The following FABP7 variants were observed in gnomAD, a reference collection of about 807,000 sequenced individuals.
The protein encoded by FABP7 is fatty acid binding protein 7.
In FABP7, 13 loss-of-function variants were observed where a neutral mutation model predicts 14.2. The observed-to-expected ratio is 0.91, with a 90% CI of 0.59 to 1.45. The LOEUF is 1.45. FABP7 is among the 40% of genes most tolerant of loss of function. The probability of loss-of-function intolerance (pLI) is 0.00; values close to 1 mark genes in which losing one functional copy is unlikely to be tolerated. For synonymous variants in FABP7, 49 were observed against 51.4 expected, an observed-to-expected ratio of 0.95 and a Z score of 0.20; for missense variants, 149 against 157.6, an observed-to-expected ratio of 0.95 and a Z score of 0.29.
chr6:122,769,162 G>A, the FABP7 span, among the ~76,000 whole-genome samples: 1 of 152,208 alleles, frequency 6.6e-6, no homozygotes, highest in East Asian at 1.9e-4. Flanking sequence ...CAGGAATCTG[G>A]AAGTGACCCA....
upstream of FABP7, among the ~76,000 whole-genome samples, chr6:122,778,140 C>G (rs1780706211): frequency 6.6e-6 from 1 of 152,130 alleles, no homozygotes; most frequent in African/African-American, 2.4e-5. Flanking sequence ...TGTGTTTTCC[C>G]TGGGCCTCAG....
chr6:122,779,623 G>C (rs1780729093), upstream of FABP7: 2 of 627,000 alleles, frequency 3.2e-6, no homozygotes, highest in Middle Eastern at 4.4e-4. Context: ...CTCTTGGAAA[G>C]AGGGACACTG....
At chr6:122,770,488 T>C in the FABP7 span, among the ~76,000 whole-genome samples, 1 of 152,114 alleles carries the variant, frequency 6.6e-6, no homozygotes, top group Non-Finnish European at 1.5e-5. Context: ...TCCTACTTAG[T>C]ACTTAGCACT....
chr6:122,779,650 A>G (rs1780730969), upstream of FABP7: 3 of 705,260 alleles, frequency 4.3e-6, no homozygotes, highest in African/African-American at 1.8e-5. Context: ...TGTGTTTGCA[A>G]TTTAAATCAC....
intron 1 of FABP7, among the ~76,000 whole-genome samples, chr6:122,780,085 G>A (rs1416648333): frequency 6.6e-6 from 1 of 152,164 alleles, no homozygotes; most frequent in African/African-American, 2.4e-5. Flanking sequence ...GCTATTCCGT[G>A]GAGAATATGA....
At chr6:122,778,750 G>A (rs1041055284), upstream of FABP7, among the ~76,000 whole-genome samples, 2 of 152,120 alleles carry the variant, frequency 1.3e-5, no homozygotes, top group Non-Finnish European at 2.9e-5. Flanking sequence ...GATTCCTACC[G>A]CTCCTCCAGT....
the FABP7 span, among the ~76,000 whole-genome samples, chr6:122,768,193 A>G: frequency 6.6e-6 from 1 of 152,108 alleles, no homozygotes; most frequent in African/African-American, 2.4e-5. Context: ...CTGATTGGTC[A>G]CCATTGAAAC....
At chr6:122,757,025 G>C in the FABP7 span, among the ~76,000 whole-genome samples, 1 of 152,102 alleles carries the variant, frequency 6.6e-6, no homozygotes, top group Non-Finnish European at 1.5e-5. Context: ...GAAACTAAGG[G>C]TTAAGTGATC....
the FABP7 span, among the ~76,000 whole-genome samples, chr6:122,751,025 T>A: frequency 6.6e-6 from 1 of 152,210 alleles, no homozygotes; most frequent in African/African-American, 2.4e-5. Context: ...TGGGTTCACA[T>A]GTCTGTGTGA....
Position 122,780,477 on chromosome 6 carries a change from T to G in FABP7, c.246+14T>G, listed in dbSNP as rs1228327318. The G allele has an allele frequency of 6.2e-7, 1 of 1,605,748 alleles. No individual in the cohort carries two copies. Among genetic ancestry groups the G allele is most frequent in the East Asian group, 2.2e-5 (1 of 44,804 alleles). On this transcript the variant is annotated intron_variant, in intron 2 of 3. Coordinates refer to ENST00000368444, the MANE Select transcript of FABP7 (RefSeq NM_001446.5). ...AGAAACTGTAAGGTGAGAAACTGCT[T>G]CTTCTTCAGAGTGGGGATGGGGAGA... is the stretch of plus-strand genomic sequence containing the variant.
chr6:122,767,050 A>G, the FABP7 span, among the ~76,000 whole-genome samples: 1 of 152,114 alleles, frequency 6.6e-6, no homozygotes, highest in Non-Finnish European at 1.5e-5. Context: ...ATAAATCTTA[A>G]AAAATATGTA....
At chr6:122,774,753 A>G (rs1334229580), upstream of FABP7, among the ~76,000 whole-genome samples, 1 of 151,416 alleles carries the variant, frequency 6.6e-6, no homozygotes, top group Non-Finnish European at 1.5e-5. Flanking sequence ...CATATTTAGA[A>G]AAACCTAAAG....
At position 122,781,114 on chromosome 6, in the gene FABP7, G is replaced by A. The variant is rs757191333; in HGVS notation, c.268G>A (p.Asp90Asn). The change falls in exon 3 of 4, where the codon GAC (aspartate) becomes AAC (asparagine). Residue 90 changes from aspartate to asparagine, a missense_variant. Asp to Asn is a conservative substitution (Grantham distance 23, BLOSUM62 1). Coordinates refer to ENST00000368444, the MANE Select transcript of FABP7 (RefSeq NM_001446.5). Reference sequence around the variant, plus strand: ...TCAGTCTGTTGTTAGCCTGGATGGAGACAAACTTGTTCACATACAGAAATG... The same window carrying A: ...TCAGTCTGTTGTTAGCCTGGATGGAAACAAACTTGTTCACATACAGAAATG... ...NCKSVVSLDG[D>N]KLVHIQKWDG... is the part of the protein sequence containing the mutation. The A allele has an allele frequency of 3.1e-6, 5 of 1,613,652 alleles. No homozygotes were observed. Among genetic ancestry groups the A allele is most frequent in the Non-Finnish European group, 4.2e-6 (5 of 1,179,758 alleles).
upstream of FABP7, among the ~76,000 whole-genome samples, chr6:122,775,062 G>T (rs975760143): frequency 6.6e-6 from 1 of 151,940 alleles, no homozygotes; most frequent in Non-Finnish European, 1.5e-5. Context: ...AAATAATATT[G>T]TTAAATTGTT....
chr6:122,757,846 A>C, the FABP7 span, among the ~76,000 whole-genome samples: 1 of 152,136 alleles, frequency 6.6e-6, no homozygotes, highest in Non-Finnish European at 1.5e-5. Context: ...AAGGTACTAA[A>C]AGAAGAAAAT....
At chr6:122,755,704 G>T in the FABP7 span, among the ~76,000 whole-genome samples, 2 of 151,784 alleles carry the variant, frequency 1.3e-5, no homozygotes, top group Non-Finnish European at 2.9e-5. Context: ...TGATCTGCCC[G>T]CCTCAGCCTC....
chr6:122,781,801 G>T (rs1037985989), intron 3 of FABP7: 3 of 722,752 alleles, frequency 4.2e-6, no homozygotes, highest in African/African-American at 3.9e-5. Context: ...AGTGCAGGGG[G>T]TGCATTCTTG....
At chr6:122,781,054 T>C (rs370185263) in intron 2 of FABP7, 39 bp from the exon 3 acceptor site, 1 of 1,573,468 alleles carries the variant, frequency 6.4e-7, no homozygotes. Context: ...ATCTGAATTG[T>C]ATTTATTGCT....
the FABP7 span, among the ~76,000 whole-genome samples, chr6:122,760,815 A>C: frequency 6.6e-6 from 1 of 152,160 alleles, no homozygotes; most frequent in Non-Finnish European, 1.5e-5. Flanking sequence ...CAAAATTGAT[A>C]TAATAAAAAC....
Sources: allele counts gnomAD v4.1 joint callset (sites outside exome capture counted in the v4.1 genomes callset), GRCh38; gene constraint gnomAD v4.1.1; transcripts MANE v1.5; gene names NCBI Gene and HGNC (gene_info 2026-07-23, HGNC 2026-07-21).